Variants in TRIM62 observed in about 807,000 individuals in gnomAD.
TRIM62 encodes tripartite motif containing 62.
Under a neutral mutation model 44.2 loss-of-function variants are expected in TRIM62, and 39 were observed. The ratio of observed to expected loss-of-function variants is 0.88; its 90% CI spans 0.68 to 1.15. The LOEUF (loss-of-function observed/expected upper bound fraction) is 1.15, where lower values mean the gene tolerates loss of function less well. Among genes scored for constraint, TRIM62 ranks in the 50% most tolerant of loss-of-function variants. TRIM62 has a pLI of 0.00. For missense variants in TRIM62, 544 were observed against 665.5 expected (o/e 0.82, Z 2.01); for synonymous variants, 278 against 292.3 (o/e 0.95, Z 0.50).
chr1:33,151,506 G>A (rs1344439288), intron 4 of TRIM62, among the ~76,000 whole-genome samples: 1 of 152,074 alleles, frequency 6.6e-6, no homozygotes, highest in South Asian at 2.1e-4. Flanking sequence ...ACCAGAAAGG[G>A]ACCTAGAAGG....
In TRIM62 at chr1:33,165,443, C is replaced by T. The variant is rs114449183; in HGVS notation, c.504+28G>A. The T allele has an allele frequency of 1.3e-3, 1,961 of 1,554,618 alleles. 22 individuals carry two copies. The African/African-American group carries it at 0.024, about 19-fold the overall frequency. Reference sequence around the variant, plus strand: ...AAGCCCTGCCCTCATCTCTGCCGGCCCCACCTCCGCGCCCCGGCCAGGCTC... The same window carrying T: ...AAGCCCTGCCCTCATCTCTGCCGGCTCCACCTCCGCGCCCCGGCCAGGCTC... On this transcript the variant is annotated intron_variant, in intron 2 of 4. Transcript: ENST00000291416. The surrounding 1 kb of genome is among the most constrained non-coding windows in gnomAD (Gnocchi z 4.0).
Position 33,161,544 on chromosome 1 carries a change from G to A in TRIM62, c.505-1600C>T, listed in dbSNP as rs1645267359. ...GCCTGCAGGAAGAACTGCTGGCGGTGGGCCAGCCTCGCTGCGCATGCCCAC... is the reference window on the plus strand; with the variant it reads ...GCCTGCAGGAAGAACTGCTGGCGGTAGGCCAGCCTCGCTGCGCATGCCCAC... On this transcript the variant is annotated intron_variant, in intron 2 of 4. Coordinates refer to ENST00000291416, the MANE Select transcript of TRIM62 (RefSeq NM_018207.3). The surrounding 1 kb of genome is among the most constrained non-coding windows in gnomAD (Gnocchi z 4.3). 6.6e-6 allele frequency among the ~76,000 whole-genome samples: 1 copy of A among 152,154 alleles called. No individual in the cohort carries two copies. Among genetic ancestry groups the A allele is most frequent in the Admixed American group, 6.5e-5 (1 of 15,278 alleles).
At chr1:33,176,153 C>A (rs1401040574) in intron 1 of TRIM62, among the ~76,000 whole-genome samples, 1 of 152,210 alleles carries the variant, frequency 6.6e-6, no homozygotes, top group African/African-American at 2.4e-5. Context: ...ACACAGACAA[C>A]CCAGCTGCCT....
At chr1:33,178,396 T>C (rs878875757) in intron 1 of TRIM62, among the ~76,000 whole-genome samples, 3 of 152,100 alleles carry the variant, frequency 2.0e-5, no homozygotes, top group Admixed American at 1.3e-4. Flanking sequence ...CAGCACATCC[T>C]CTCTAGATGG....
Position 33,159,749 on chromosome 1 carries a change from C to T in TRIM62, c.700G>A (p.Glu234Lys). 1 of 1,613,308 alleles carries T rather than the reference C, an allele frequency of 6.2e-7. No individual in the cohort carries two copies. Among genetic ancestry groups the T allele is most frequent in the Non-Finnish European group, 8.5e-7 (1 of 1,179,922 alleles). ...TGCCGGTCGGTTTCAGCCAGCCGCT[C>T]CTGCAGGATCTGGGCTCCCTCCTGG... is the stretch of plus-strand genomic sequence containing the variant. ...KVQEGAQILQ[E>K]RLAETDRHTF... is the part of the protein sequence containing the mutation. Residue 234 changes from glutamate (E) to lysine (K), a missense_variant, in exon 3 of 5, where the codon GAG becomes AAG. Transcript: ENST00000291416. This position sits in a 1 kb window ranked among gnomAD's most constrained non-coding sequence, Gnocchi z 4.2.
intron 1 of TRIM62, among the ~76,000 whole-genome samples, chr1:33,174,204 G>A (rs900473314): frequency 6.6e-6 from 1 of 150,510 alleles, no homozygotes; most frequent in East Asian, 2.0e-4. Context: ...TTGAGACAGG[G>A]TCTCACTCTG....
chr1:33,147,146 C>G lies in TRIM62; in HGVS notation c.*31G>C. 1 of 1,601,976 alleles carries G rather than the reference C, an allele frequency of 6.2e-7. No individual in the cohort carries two copies. The highest frequency in any genetic ancestry group is 1.3e-5 in the African/African-American group (1 of 74,836). On this transcript the variant is annotated 3_prime_UTR_variant, in exon 5 of 5. Coordinates refer to ENST00000291416, the MANE Select transcript of TRIM62 (RefSeq NM_018207.3). This position sits in a 1 kb window ranked among gnomAD's most constrained non-coding sequence, Gnocchi z 8.1. Reference sequence around the variant, plus strand: ...CAGGGCTCTTGCAGGTGGCAGTGGTCCCAGGAGGTTGTGGTCTCCTTCTGC... The same window carrying G: ...CAGGGCTCTTGCAGGTGGCAGTGGTGCCAGGAGGTTGTGGTCTCCTTCTGC...
chr1:33,147,961 G>T lies in TRIM62; in HGVS notation c.878-234C>A, dbSNP rs1385632655. Among the ~76,000 whole-genome samples, 1 of 152,206 alleles carries T rather than the reference G, an allele frequency of 6.6e-6. No individual in the cohort carries two copies. Among genetic ancestry groups the T allele is most frequent in the African/African-American group, 2.4e-5 (1 of 41,460 alleles). ...CTGCAGGGGAGCAGGGGCTACAGCT[G>T]CTTGTTCACTGCCTGATGCCCAGGG... On this transcript the variant is annotated intron_variant, in intron 4 of 4. Transcript: ENST00000291416. This position sits in a 1 kb window ranked among gnomAD's most constrained non-coding sequence, Gnocchi z 8.1.
intron 4 of TRIM62, among the ~76,000 whole-genome samples, chr1:33,155,523 G>A (rs964217897): frequency 2.0e-5 from 3 of 152,128 alleles, no homozygotes; most frequent in African/African-American, 4.8e-5. Flanking sequence ...CCTTCCTGGT[G>A]TGTGTGAGGT....
chr1:33,175,149 G>C (rs907886054), intron 1 of TRIM62, among the ~76,000 whole-genome samples: 27 of 151,244 alleles, frequency 1.8e-4, no homozygotes, highest in Non-Finnish European at 1.2e-4. Context: ...AGCGATTCTC[G>C]TGCCTCAGCC....
chr1:33,166,843 G>T (rs1023778940), intron 1 of TRIM62, among the ~76,000 whole-genome samples: 3 of 152,196 alleles, frequency 2.0e-5, no homozygotes, highest in African/African-American at 7.2e-5. Context: ...GCAGAGCATT[G>T]TTAGTGATCC....
intron 2 of TRIM62, chr1:33,162,725 T>G (rs1645286121): frequency 1.3e-5 from 2 of 152,794 alleles, no homozygotes; most frequent in Non-Finnish European, 2.9e-5. Flanking sequence ...CAGCCAGCAG[T>G]GGAACATCAG....
intron 1 of TRIM62, among the ~76,000 whole-genome samples, chr1:33,174,444 A>G (rs899696570): frequency 6.6e-6 from 1 of 152,158 alleles, no homozygotes; most frequent in Non-Finnish European, 1.5e-5. Flanking sequence ...TTGACCTCTC[A>G]AAGTACTGGA....
intron 1 of TRIM62, among the ~76,000 whole-genome samples, chr1:33,169,423 G>A (rs76053307): frequency 0.045 from 6,888 of 152,104 alleles, 254 homozygotes; most frequent in African/African-American, 0.1. Flanking sequence ...TTCTTTTCTG[G>A]GCTGTGGCCC....
At chr1:33,170,932 G>C (rs1473454982) in intron 1 of TRIM62, among the ~76,000 whole-genome samples, 1 of 152,212 alleles carries the variant, frequency 6.6e-6, no homozygotes, top group Non-Finnish European at 1.5e-5. Context: ...CACCCTGGGT[G>C]CTCGGGAGAC....
chr1:33,172,392 C>T (rs1363157720), intron 1 of TRIM62, among the ~76,000 whole-genome samples: 2 of 151,810 alleles, frequency 1.3e-5, no homozygotes, highest in African/African-American at 2.4e-5. Flanking sequence ...TGCAGGAAGT[C>T]GGGGTGGTTG....
intron 1 of TRIM62, among the ~76,000 whole-genome samples, chr1:33,166,478 A>G (rs774701368): frequency 2.0e-5 from 3 of 152,146 alleles, no homozygotes; most frequent in Non-Finnish European, 2.9e-5. Flanking sequence ...CGAGGGCTAC[A>G]GTGGGCTGGG....
At chr1:33,156,261 T>A (rs1348250003) in intron 4 of TRIM62, among the ~76,000 whole-genome samples, 1 of 152,048 alleles carries the variant, frequency 6.6e-6, no homozygotes, top group East Asian at 1.9e-4. Flanking sequence ...ACTGCCACAC[T>A]CTCTCTCCTT....
chr1:33,173,315 G>A (rs1645388830), intron 1 of TRIM62, among the ~76,000 whole-genome samples: 1 of 152,188 alleles, frequency 6.6e-6, no homozygotes, highest in Admixed American at 6.5e-5. Flanking sequence ...TGCAGACCTG[G>A]CCGGGCTGCA....
Sources: allele counts gnomAD v4.1 joint callset (sites outside exome capture counted in the v4.1 genomes callset), GRCh38; gene constraint gnomAD v4.1.1; non-coding constraint Gnocchi (gnomAD v3.1); transcripts MANE v1.5; gene names NCBI Gene and HGNC (gene_info 2026-07-23, HGNC 2026-07-21).